ATE1: variants seen among roughly 807,000 people sequenced by gnomAD.
ATE1 encodes arginyltransferase 1.
In ATE1, 36 loss-of-function variants were observed where a neutral mutation model predicts 70.5. That is an observed-to-expected ratio of 0.51 (90% CI 0.39 to 0.67). ATE1 has a LOEUF of 0.67. Among genes scored for constraint, ATE1 ranks in the 30% least tolerant of loss-of-function variants. ATE1 has a pLI of 0.00. For synonymous variants in ATE1, 232 were observed against 219.3 expected (o/e 1.06, Z -0.51); for missense variants, 593 against 629.5 (o/e 0.94, Z 0.62).
chr10:121,894,519 A>G (rs1310749000), intron 7 of ATE1, among the ~76,000 whole-genome samples: 2 of 152,196 alleles, frequency 1.3e-5, no homozygotes, highest in African/African-American at 4.8e-5. Flanking sequence ...AAAATGAAAG[A>G]GTCTAATCAC....
chr10:121,862,304 G>C lies in ATE1; in HGVS notation c.975+7702C>G, dbSNP rs555242675. 7.2e-5 allele frequency among the ~76,000 whole-genome samples: 11 copies of C among 152,140 alleles called. 1 individual carries two copies. In the East Asian group the frequency reaches 1.9e-3, roughly 27 times the overall value. Reference sequence around the variant, plus strand: ...CATTCCTTCTGAATTCTAGCCATTGGAGAGACCTTGATATCTACAGCTACT... The same window carrying C: ...CATTCCTTCTGAATTCTAGCCATTGCAGAGACCTTGATATCTACAGCTACT... On this transcript the variant is annotated intron_variant, in intron 8 of 11. Coordinates refer to ENST00000224652, the MANE Select transcript of ATE1 (RefSeq NM_001001976.3).
At chr10:121,748,848 A>C (rs1006943596) in intron 11 of ATE1, among the ~76,000 whole-genome samples, 1 of 152,154 alleles carries the variant, frequency 6.6e-6, no homozygotes, top group African/African-American at 2.4e-5. Flanking sequence ...CATCCAAGTC[A>C]CTTGGAATCA....
intron 7 of ATE1, among the ~76,000 whole-genome samples, chr10:121,898,652 C>T (rs1330973700): frequency 1.3e-5 from 2 of 152,118 alleles, no homozygotes; most frequent in African/African-American, 4.8e-5. Flanking sequence ...ACACTAAGAA[C>T]GCATCCTGAA....
At chr10:121,809,063 T>C (rs1590356462) in intron 10 of ATE1, among the ~76,000 whole-genome samples, 1 of 152,316 alleles carries the variant, frequency 6.6e-6, no homozygotes, top group South Asian at 2.1e-4. Flanking sequence ...CAATTATCAA[T>C]CATGTTTTCT....
chr10:121,770,910 C>CA (rs779298642), intron 11 of ATE1, among the ~76,000 whole-genome samples: 11 of 150,730 alleles, frequency 7.3e-5, no homozygotes, highest in African/African-American at 1.5e-4. Flanking sequence ...TAAAAGCTTG[C>CA]AAAAAAAAAT....
intron 7 of ATE1, among the ~76,000 whole-genome samples, chr10:121,894,816 GCC>G (rs1950714664): frequency 6.6e-6 from 1 of 151,980 alleles, no homozygotes; most frequent in African/African-American, 2.4e-5. Flanking sequence ...CAGGAGAATG[GCC>G]CGAACCCGAG....
intron 11 of ATE1, among the ~76,000 whole-genome samples, chr10:121,774,212 A>G (rs1278619190): frequency 6.6e-6 from 1 of 152,232 alleles, no homozygotes; most frequent in African/African-American, 2.4e-5. Context: ...ATTAAAATAC[A>G]GTTCAATTTA....
At chr10:121,784,348 A>C (rs1380738105) in intron 11 of ATE1, among the ~76,000 whole-genome samples, 1 of 152,238 alleles carries the variant, frequency 6.6e-6, no homozygotes, top group African/African-American at 2.4e-5. Context: ...CTTAGTTTTC[A>C]CATTTTCAAG....
intron 5 of ATE1, among the ~76,000 whole-genome samples, chr10:121,910,360 C>A (rs1256908917): frequency 6.6e-6 from 1 of 152,102 alleles, no homozygotes; most frequent in Non-Finnish European, 1.5e-5. Context: ...ATATTAAATT[C>A]ATTTAATACT....
chr10:121,893,496 T>C (rs919961069), intron 7 of ATE1, among the ~76,000 whole-genome samples: 2 of 152,160 alleles, frequency 1.3e-5, no homozygotes, highest in African/African-American at 4.8e-5. Flanking sequence ...ATTGTTCTTA[T>C]TCCTTTTCTC....
chr10:121,916,022 G>C (rs940557776), intron 3 of ATE1, among the ~76,000 whole-genome samples: 1 of 151,558 alleles, frequency 6.6e-6, no homozygotes, highest in Non-Finnish European at 1.5e-5. Flanking sequence ...AGATCACAAG[G>C]TCAGGAGATG....
At chr10:121,927,047 A>C in intron 1 of ATE1, 1 of 985,462 alleles carries the variant, frequency 1.0e-6, no homozygotes, top group East Asian at 1.1e-4. Context: ...GTTTTCCACA[A>C]AGCTAGACTG....
At chr10:121,907,336 A>T (rs892659140) in intron 5 of ATE1, among the ~76,000 whole-genome samples, 2 of 151,998 alleles carry the variant, frequency 1.3e-5, no homozygotes, top group African/African-American at 4.8e-5. Flanking sequence ...GTGGTGGTGC[A>T]CACCTGTAGT....
intron 4 of ATE1, among the ~76,000 whole-genome samples, chr10:121,912,336 A>C (rs781539541): frequency 2.6e-5 from 4 of 152,174 alleles, no homozygotes; most frequent in Non-Finnish European, 5.9e-5. Flanking sequence ...TCAAATAAAC[A>C]ACCAAATATA....
At chr10:121,889,126 G>A (rs568108185) in intron 7 of ATE1, among the ~76,000 whole-genome samples, 2 of 152,146 alleles carry the variant, frequency 1.3e-5, no homozygotes, top group African/African-American at 2.4e-5. Context: ...CGATTTTCCC[G>A]CTTTAGCTTC....
chr10:121,836,096 CT>C (rs1948422485), intron 10 of ATE1, among the ~76,000 whole-genome samples: 1 of 152,132 alleles, frequency 6.6e-6, no homozygotes, highest in Non-Finnish European at 1.5e-5. Flanking sequence ...CAAATCCTTT[CT>C]TTTACTGCTT....
intron 10 of ATE1, among the ~76,000 whole-genome samples, chr10:121,800,287 T>A (rs1405883902): frequency 6.6e-6 from 1 of 152,246 alleles, no homozygotes; most frequent in Non-Finnish European, 1.5e-5. Flanking sequence ...AATACTTTCA[T>A]ATGATATTCA....
intron 11 of ATE1, among the ~76,000 whole-genome samples, chr10:121,767,803 G>A (rs1945336961): frequency 6.6e-6 from 1 of 152,110 alleles, no homozygotes; most frequent in Admixed American, 6.5e-5. Context: ...ATGTAAAATG[G>A]GGCAGTTGCT....
chr10:121,840,105 T>C (rs769412777), intron 9 of ATE1, among the ~76,000 whole-genome samples: 1 of 152,068 alleles, frequency 6.6e-6, no homozygotes, highest in Non-Finnish European at 1.5e-5. Context: ...CAGAAATAAA[T>C]AGAGAAAACT....
Sources: allele counts gnomAD v4.1 joint callset (sites outside exome capture counted in the v4.1 genomes callset), GRCh38; gene constraint gnomAD v4.1.1; transcripts MANE v1.5; gene names NCBI Gene and HGNC (gene_info 2026-07-23, HGNC 2026-07-21).